The following CEP20 variants were observed in gnomAD, a reference collection of about 807,000 sequenced individuals.
The protein encoded by CEP20 is centrosomal protein 20.
Under a neutral mutation model 20.0 loss-of-function variants are expected in CEP20, and 18 were observed. That is an observed-to-expected ratio of 0.90 (90% CI 0.62 to 1.34). The LOEUF is 1.34. Ranked by LOEUF, CEP20 falls within the 40% of genes most tolerant of loss-of-function variation. The probability of loss-of-function intolerance (pLI) is 0.00; values close to 1 mark genes in which losing one functional copy is unlikely to be tolerated. For synonymous variants in CEP20, 77 were observed against 73.7 expected (o/e 1.04, Z -0.23); for missense variants, 215 against 201.6 (o/e 1.07, Z -0.40).
At chr16:15,876,200 T>C (rs1164498761) in intron 3 of CEP20, among the ~76,000 whole-genome samples, 1 of 148,240 alleles carries the variant, frequency 6.7e-6, no homozygotes, top group Non-Finnish European at 1.5e-5. Context: ...ATTGAAGTCT[T>C]GGGCCGATGG....
At chr16:15,868,284 G>T (rs578251199) in intron 4 of CEP20, among the ~76,000 whole-genome samples, 2 of 152,022 alleles carry the variant, frequency 1.3e-5, no homozygotes, top group Non-Finnish European at 2.9e-5. Flanking sequence ...TTAGCCAGGC[G>T]TGGTGGCGGG....
At chr16:15,882,767 CTATCTATCTATCT>C (rs1434133151) in intron 2 of CEP20, among the ~76,000 whole-genome samples, 2,643 of 102,072 alleles carry the variant, frequency 0.026, 80 homozygotes, top group African/African-American at 0.084. Context: ...ATCTATCTAT[CTATCTATCTATCT>C]AGATACACAC....
At chr16:15,881,983 G>A (rs1036960363) in intron 2 of CEP20, among the ~76,000 whole-genome samples, 3 of 152,150 alleles carry the variant, frequency 2.0e-5, no homozygotes, top group Non-Finnish European at 4.4e-5. Flanking sequence ...GCACTCCCCA[G>A]TGTTGGAAGT....
chr16:15,876,836 T>C (rs2044962360), intron 3 of CEP20, among the ~76,000 whole-genome samples: 1 of 149,776 alleles, frequency 6.7e-6, no homozygotes, highest in Non-Finnish European at 1.5e-5. Flanking sequence ...TGCTTCCTCA[T>C]CCTCTCTCAA....
intron 1 of CEP20, chr16:15,886,053 T>A (rs1393467865): frequency 6.6e-6 from 1 of 152,228 alleles, no homozygotes; most frequent in African/African-American, 2.4e-5. Context: ...AAGAGCTCAG[T>A]AGGTGTCACC....
rs1030719692 is a variant in CEP20, at chr16:15,867,035, C to T, written c.*405G>A. 2.4e-5 allele frequency: 4 copies of T among 164,930 alleles called. No individual in the cohort carries two copies. Among genetic ancestry groups the T allele is most frequent in the African/African-American group, 9.6e-5 (4 of 41,512 alleles). The allele number at this position is 164,930 out of a possible 1,614,324, so 10.2% of individuals were successfully genotyped here. ...CCAGCCTGGCCAGCATGGTGAAACC[C>T]CATCTCTACTAAAAATACAAAAACT... On this transcript the variant is annotated 3_prime_UTR_variant, in exon 5 of 5. Transcript: ENST00000255759.
At chr16:15,878,654 G>A (rs1315914707) in intron 3 of CEP20, among the ~76,000 whole-genome samples, 1 of 152,068 alleles carries the variant, frequency 6.6e-6, no homozygotes, top group Non-Finnish European at 1.5e-5. Context: ...ACGCCACCAT[G>A]CCTTGCTAAT....
intron 2 of CEP20, among the ~76,000 whole-genome samples, chr16:15,880,276 T>C (rs2045067719): frequency 6.6e-6 from 1 of 152,224 alleles, no homozygotes; most frequent in African/African-American, 2.4e-5. Context: ...CAGCTGGAAC[T>C]TTCACACTTT....
At chr16:15,887,132 T>C (rs2045264841) in intron 1 of CEP20, among the ~76,000 whole-genome samples, 1 of 152,196 alleles carries the variant, frequency 6.6e-6, no homozygotes, top group African/African-American at 2.4e-5. Flanking sequence ...CTTAAACTTC[T>C]GGGCTCAAGC....
intron 1 of CEP20, among the ~76,000 whole-genome samples, chr16:15,886,896 TTTTAA>T (rs895350292): frequency 2.0e-5 from 3 of 148,210 alleles, no homozygotes; most frequent in Non-Finnish European, 3.0e-5. Context: ...TTATTTTATT[TTTTAA>T]TTTGTTTTTT....
chr16:15,879,271 TG>T (rs1555464917), intron 3 of CEP20, among the ~76,000 whole-genome samples: 1 of 151,840 alleles, frequency 6.6e-6, no homozygotes, highest in Non-Finnish European at 1.5e-5. Context: ...TTTTTGTTTT[TG>T]TTTTAGGAGA....
intron 2 of CEP20, chr16:15,882,894 G>A (rs2045141329): frequency 6.6e-6 from 1 of 151,774 alleles, no homozygotes. Flanking sequence ...CCAATATAGT[G>A]AAACCCCGTC....
intron 3 of CEP20, among the ~76,000 whole-genome samples, chr16:15,874,962 C>T (rs2044907951): frequency 6.6e-6 from 1 of 152,180 alleles, no homozygotes; most frequent in Admixed American, 6.5e-5. Flanking sequence ...CTGTCAATAT[C>T]ATTATGAGTT....
At chr16:15,883,437 A>G (rs558038313) in intron 2 of CEP20, among the ~76,000 whole-genome samples, 3 of 152,116 alleles carry the variant, frequency 2.0e-5, no homozygotes, top group South Asian at 2.1e-4. Context: ...ATGGCTCACT[A>G]AAGCCCAGAG....
rs2044702919 is a variant in CEP20 at position 15,867,283 on chromosome 16, T to C, written c.*157A>G. ...ATCCAATAAGCTAGATGACAAGAGT[T>C]AGCTTTTATTCACAAATGTAGTTAA... is the stretch of plus-strand genomic sequence containing the variant. On this transcript the variant is annotated 3_prime_UTR_variant, in exon 5 of 5. Coordinates refer to ENST00000255759, the MANE Select transcript of CEP20 (RefSeq NM_144600.4). 2.0e-6 allele frequency: 1 copy of C among 489,700 alleles called. No homozygotes were observed. The highest frequency in any genetic ancestry group is 3.6e-6 in the Non-Finnish European group (1 of 278,824). The allele number at this position is 489,700 out of a possible 1,614,324, so 30.3% of individuals were successfully genotyped here.
intron 1 of CEP20, among the ~76,000 whole-genome samples, chr16:15,886,672 A>G (rs1012543260): frequency 6.6e-6 from 1 of 152,214 alleles, no homozygotes; most frequent in Non-Finnish European, 1.5e-5. Context: ...TACCTCTCAG[A>G]GATAGAACCA....
intron 3 of CEP20, among the ~76,000 whole-genome samples, chr16:15,879,359 C>G (rs1047433947): frequency 1.3e-5 from 2 of 152,022 alleles, no homozygotes; most frequent in Non-Finnish European, 2.9e-5. Flanking sequence ...AAGGCAAAGT[C>G]TCAGAGGCCA....
chr16:15,871,591 G>A (rs1027522039), intron 4 of CEP20, among the ~76,000 whole-genome samples: 32 of 152,110 alleles, frequency 2.1e-4, no homozygotes, highest in African/African-American at 7.0e-4. Flanking sequence ...AAAGGTATAC[G>A]GGAACAGCAA....
rs1215822704 is a variant in CEP20 at position 15,867,009 on chromosome 16, A to C, written c.*431T>G. On this transcript the variant is annotated 3_prime_UTR_variant, in exon 5 of 5. Coordinates refer to ENST00000255759, the MANE Select transcript of CEP20 (RefSeq NM_144600.4). ...GATCACCTGAGGTCAGGAGTTCAAG[A>C]CCAGCCTGGCCAGCATGGTGAAACC... The C allele has an allele frequency of 6.3e-6, 1 of 159,720 alleles. No homozygotes were observed. Among genetic ancestry groups the C allele is most frequent in the Non-Finnish European group, 1.4e-5 (1 of 72,230 alleles). The allele number at this position is 159,720 out of a possible 1,614,324, so 9.9% of individuals were successfully genotyped here. A position where few individuals can be genotyped will look rare whatever the true frequency, so the allele number is the denominator to read the frequency against.
Sources: allele counts gnomAD v4.1 joint callset (sites outside exome capture counted in the v4.1 genomes callset), GRCh38; gene constraint gnomAD v4.1.1; transcripts MANE v1.5; gene names NCBI Gene and HGNC (gene_info 2026-07-23, HGNC 2026-07-21).